Variants in GRM5 observed in about 807,000 individuals in gnomAD.
GRM5 encodes metabotropic glutamate receptor 5.
A neutral mutation model predicts 83.1 loss-of-function variants in GRM5; 19 were observed. The ratio of observed to expected loss-of-function variants is 0.23; its 90% confidence interval spans 0.16 to 0.34. The LOEUF is 0.34. Ranked by LOEUF, GRM5 falls within the 10% of genes least tolerant of loss-of-function variation. GRM5 has a pLI of 1.00. For synonymous variants in GRM5, 675 were observed against 633.6 expected, an observed-to-expected ratio of 1.07 and a Z score of -0.98; for missense variants, 1,160 against 1,588.3, an observed-to-expected ratio of 0.73 and a Z score of 4.58.
intron 6 of GRM5, among the ~76,000 whole-genome samples, chr11:88,591,784 A>G (rs900450903): frequency 6.6e-6 from 1 of 152,212 alleles, no homozygotes; most frequent in African/African-American, 2.4e-5. Flanking sequence ...AAGGGCCTGA[A>G]ATAGCTTTTC....
intron 8 of GRM5, among the ~76,000 whole-genome samples, chr11:88,537,124 T>C (rs557147901): frequency 6.6e-6 from 1 of 152,268 alleles, no homozygotes; most frequent in Non-Finnish European, 1.5e-5. Flanking sequence ...ACCCCTTATT[T>C]AAATAATCTG....
chr11:88,622,609 G>A (rs189020154), intron 4 of GRM5, among the ~76,000 whole-genome samples: 4 of 152,258 alleles, frequency 2.6e-5, no homozygotes, highest in Non-Finnish European at 2.9e-5. Context: ...GGAAGGGGTG[G>A]GGGCGGCAGA....
intron 4 of GRM5, among the ~76,000 whole-genome samples, chr11:88,610,389 T>G (rs908978085): frequency 6.6e-6 from 1 of 152,224 alleles, no homozygotes; most frequent in East Asian, 1.9e-4. Flanking sequence ...CATCTCTGAT[T>G]TCTTTCAGCA....
At chr11:88,906,337 T>G (rs576112813) in intron 2 of GRM5, among the ~76,000 whole-genome samples, 9 of 152,314 alleles carry the variant, frequency 5.9e-5, no homozygotes, top group Admixed American at 4.6e-4. Context: ...ACATAGATTA[T>G]TACTTTATTA....
intron 2 of GRM5, among the ~76,000 whole-genome samples, chr11:88,867,897 C>G (rs1258337768): frequency 6.6e-6 from 1 of 151,882 alleles, no homozygotes; most frequent in South Asian, 2.1e-4. Flanking sequence ...CTCAAGCTAA[C>G]TAATATAGTC....
chr11:89,060,906 T>C (rs1941978301), intron 1 of GRM5, among the ~76,000 whole-genome samples: 1 of 152,184 alleles, frequency 6.6e-6, no homozygotes, highest in Non-Finnish European at 1.5e-5. Flanking sequence ...GCTCATGTCT[T>C]CTTATGTTCT....
At chr11:88,885,157 T>C (rs1945021589) in intron 2 of GRM5, among the ~76,000 whole-genome samples, 1 of 151,914 alleles carries the variant, frequency 6.6e-6, no homozygotes. Context: ...TTTATCCTAT[T>C]TTTTAGGCTC....
intron 2 of GRM5, among the ~76,000 whole-genome samples, chr11:88,941,172 C>A (rs889025071): frequency 1.3e-5 from 2 of 151,628 alleles, no homozygotes; most frequent in African/African-American, 4.8e-5. Flanking sequence ...AATAAAAGTA[C>A]AAGGTGAGCC....
At chr11:88,990,341 A>T (rs1170195509) in intron 2 of GRM5, among the ~76,000 whole-genome samples, 1 of 151,992 alleles carries the variant, frequency 6.6e-6, no homozygotes, top group East Asian at 1.9e-4. Context: ...ATAGACCAAT[A>T]ACAGGATCTG....
intron 2 of GRM5, among the ~76,000 whole-genome samples, chr11:88,974,409 A>ATAGG (rs1463436510): frequency 6.6e-6 from 1 of 151,912 alleles, no homozygotes; most frequent in Admixed American, 6.6e-5. Context: ...AGATAGATAG[A>ATAGG]TAGATAGATA....
intron 2 of GRM5, among the ~76,000 whole-genome samples, chr11:89,036,881 C>T (rs1941400832): frequency 6.6e-6 from 1 of 152,106 alleles, no homozygotes. Flanking sequence ...TAAAAGCACA[C>T]TCTCATATAT....
At chr11:88,579,184 G>A (rs894243752) in intron 7 of GRM5, among the ~76,000 whole-genome samples, 2 of 152,142 alleles carry the variant, frequency 1.3e-5, no homozygotes, top group Admixed American at 1.3e-4. Context: ...AGGATTAGGT[G>A]ATAGAACACA....
chr11:88,676,597 G>T (rs912508007), intron 3 of GRM5, among the ~76,000 whole-genome samples: 1 of 151,912 alleles, frequency 6.6e-6, no homozygotes, highest in Admixed American at 6.6e-5. Flanking sequence ...ATAAAATGAA[G>T]AATAATTACT....
intron 2 of GRM5, among the ~76,000 whole-genome samples, chr11:89,045,246 T>C (rs1941617875): frequency 6.6e-6 from 1 of 152,162 alleles, no homozygotes; most frequent in Admixed American, 6.6e-5. Flanking sequence ...AATTGTTATA[T>C]TTCAGTAGGT....
chr11:88,761,786 C>T (rs1268037556), intron 3 of GRM5, among the ~76,000 whole-genome samples: 1 of 152,100 alleles, frequency 6.6e-6, no homozygotes, highest in Non-Finnish European at 1.5e-5. Context: ...AGACATCACA[C>T]TACCTGACTT....
intron 2 of GRM5, among the ~76,000 whole-genome samples, chr11:88,954,013 G>T (rs986064951): frequency 2.6e-5 from 4 of 152,130 alleles, no homozygotes; most frequent in Admixed American, 2.0e-4. Context: ...CAGTCTTTTG[G>T]TTCATAAATG....
chr11:88,671,209 T>A (rs145365073), intron 3 of GRM5, among the ~76,000 whole-genome samples: 243 of 151,814 alleles, frequency 1.6e-3, no homozygotes, highest in Non-Finnish European at 2.8e-3. Flanking sequence ...ATAACCCCAG[T>A]CCAGGCCAGA....
intron 8 of GRM5, among the ~76,000 whole-genome samples, chr11:88,557,246 G>A (rs545802694): frequency 1.3e-5 from 2 of 152,248 alleles, no homozygotes; most frequent in Admixed American, 6.5e-5. Flanking sequence ...GATCCAATGA[G>A]ATAACAGATA....
rs573812790 is a variant in GRM5 at position 88,722,128 on chromosome 11, C to T, written c.912-68725G>A. On this transcript the variant is annotated intron_variant, in intron 3 of 9. Coordinates refer to ENST00000305447, the MANE Select transcript of GRM5 (RefSeq NM_001143831.3). ...TTCACATTTGGTCAAAATTTCATTGCCTGGCTGAGAATTACTAACAATTAA... is the reference window on the plus strand; with the variant it reads ...TTCACATTTGGTCAAAATTTCATTGTCTGGCTGAGAATTACTAACAATTAA... Among the ~76,000 whole-genome samples the T allele has an allele frequency of 1.4e-4, 22 of 152,210 alleles. 1 individual carries two copies. The South Asian group carries it at 1.7e-3, about 11-fold the overall frequency.
Sources: allele counts gnomAD v4.1 joint callset (sites outside exome capture counted in the v4.1 genomes callset), GRCh38; gene constraint gnomAD v4.1.1; transcripts MANE v1.5; gene names NCBI Gene and HGNC (gene_info 2026-07-23, HGNC 2026-07-21).